Variants in ING4 observed in about 807,000 individuals in gnomAD.
ING4 encodes the protein inhibitor of growth family member 4, also known as inhibitor of growth protein 4.
A neutral mutation model predicts 33.1 loss-of-function variants in ING4; 28 were observed. The ratio of observed to expected loss-of-function variants is 0.85; its 90% CI spans 0.63 to 1.16. The LOEUF (loss-of-function observed/expected upper bound fraction) is 1.16. Among genes scored for constraint, ING4 ranks in the 50% most tolerant of loss-of-function variants. The probability of loss-of-function intolerance (pLI) is 0.00; values close to 1 mark genes in which losing one functional copy is unlikely to be tolerated. For missense variants in ING4, 247 were observed against 314.7 expected, an observed-to-expected ratio of 0.78 and a Z score of 1.63; for synonymous variants, 87 against 104.4, an observed-to-expected ratio of 0.83 and a Z score of 1.02.
intron 6 of ING4, 82 bp downstream of exon 6, chr12:6,652,189 C>A: frequency 6.7e-7 from 1 of 1,490,302 alleles, no homozygotes; most frequent in Non-Finnish European, 9.2e-7. Context: ...AGTCCCAGTA[C>A]TCAACTGTGG....
Position 6,652,690 on chromosome 12 carries a change from C to A in ING4, c.469G>T (p.Ala157Ser). The change falls in exon 5 of 8, where the codon GCC (alanine) becomes TCC (serine). Residue 157 changes from alanine (A) to serine (S), a missense_variant. Ala to Ser is a moderately conservative substitution (Grantham distance 99, BLOSUM62 1). Coordinates refer to ENST00000341550, the MANE Select transcript of ING4 (RefSeq NM_016162.4). ...KNSDEEAPKT[A>S]QKKLKLVRTS... ...CGCACGAGCTTTAACTTCTTCTGGG[C>A]AGTCTTGGGGGCTTCTTCATCCGAG... 1 of 1,614,080 alleles carries A rather than the reference C, an allele frequency of 6.2e-7. No homozygotes were observed. Among genetic ancestry groups the A allele is most frequent in the Non-Finnish European group, 8.5e-7 (1 of 1,180,012 alleles).
chr12:6,652,661 C>G lies in ING4; in HGVS notation c.497+1G>C. On this transcript the variant is annotated splice_donor_variant, in intron 5 of 7. Transcript: ENST00000341550. LOFTEE classifies it high-confidence loss of function. The stretch of plus-strand genomic sequence containing the variant: ...GGCAAAGGGCTCCCTGAATCACTCA[C>G]GTGCGCACGAGCTTTAACTTCTTCT... 1 of 1,613,158 alleles carries G rather than the reference C, an allele frequency of 6.2e-7. No individual in the cohort carries two copies. The highest frequency in any genetic ancestry group is 8.5e-7 in the Non-Finnish European group (1 of 1,179,352).
In ING4 at chr12:6,650,988, C is replaced by A; in HGVS notation, c.*207G>T. ...CCGAAGGGAGAGGGCTGAAGGAGAG[C>A]ACATACCGTTAGTGGCTGCGGCACC... is the stretch of plus-strand genomic sequence containing the variant. On this transcript the variant is annotated 3_prime_UTR_variant, in exon 8 of 8. Transcript: ENST00000341550. 1.6e-6 allele frequency: 1 copy of A among 623,950 alleles called. No individual in the cohort carries two copies. Among genetic ancestry groups the A allele is most frequent in the Non-Finnish European group, 2.9e-6 (1 of 347,824 alleles). 38.7% of individuals were successfully genotyped at this position (623,950 alleles called of 1,614,324 possible).
intron 1 of ING4, among the ~76,000 whole-genome samples, chr12:6,660,562 C>T (rs35762960): frequency 0.038 from 5,718 of 151,954 alleles, 392 homozygotes; most frequent in African/African-American, 0.13. Context: ...GGGCCAAGAT[C>T]GCACCATTGC....
intron 1 of ING4, among the ~76,000 whole-genome samples, chr12:6,660,233 G>A (rs79655322): frequency 0.02 from 3,088 of 152,292 alleles, 123 homozygotes; most frequent in African/African-American, 0.071. Flanking sequence ...GCCAAGGCAG[G>A]TAGATCGCTT....
intron 2 of ING4, chr12:6,656,012 C>A: frequency 2.3e-6 from 1 of 434,812 alleles, no homozygotes; most frequent in Non-Finnish European, 4.6e-6. Flanking sequence ...TCTCATATAG[C>A]AAACCTCCCA....
chr12:6,659,964 A>T (rs556185267), intron 1 of ING4, among the ~76,000 whole-genome samples: 23 of 152,180 alleles, frequency 1.5e-4, no homozygotes, highest in Non-Finnish European at 2.2e-4. Context: ...CAAAAAAATT[A>T]AAAAAAATAA....
intron 2 of ING4, 36 bp from the exon 3 acceptor site, chr12:6,653,432 C>T: frequency 6.3e-7 from 1 of 1,593,752 alleles, no homozygotes; most frequent in Non-Finnish European, 8.6e-7. Flanking sequence ...ACAATGGCCC[C>T]TGAGTGGCTA....
rs1206846039 is a variant in ING4, at chr12:6,650,965, G to T, written c.*230C>A. 1 of 592,690 alleles carries T rather than the reference G, an allele frequency of 1.7e-6. No homozygotes were observed. Among genetic ancestry groups the T allele is most frequent in the East Asian group, 2.8e-5 (1 of 35,440 alleles). 36.7% of individuals were successfully genotyped at this position (592,690 alleles called of 1,614,324 possible). A position where few individuals can be genotyped will look rare whatever the true frequency, so the allele number is the denominator to read the frequency against. On this transcript the variant is annotated 3_prime_UTR_variant, in exon 8 of 8. Transcript: ENST00000341550. Reference sequence around the variant, plus strand: ...ACAGTGGGCAAGACCACGTCCCTCCGAAGGGAGAGGGCTGAAGGAGAGCAC... The same window carrying T: ...ACAGTGGGCAAGACCACGTCCCTCCTAAGGGAGAGGGCTGAAGGAGAGCAC...
At chr12:6,659,722 A>G (rs2136281366) in intron 1 of ING4, among the ~76,000 whole-genome samples, 1 of 151,068 alleles carries the variant, frequency 6.6e-6, no homozygotes, top group Non-Finnish European at 1.5e-5. Flanking sequence ...CTGAGGCAGG[A>G]GAGTGGCGTG....
At position 6,656,812 on chromosome 12, in the gene ING4, A is replaced by G. The variant is rs199557258; in HGVS notation, c.38-14T>C. ...GGTTTTCAATACCTAGGGAAGAGAG[A>G]GAAACAATCACAGGACTGACTATGC... On this transcript the variant is annotated splice_polypyrimidine_tract_variant and intron_variant, in intron 1 of 7. Transcript: ENST00000341550. 1.3e-4 allele frequency: 195 copies of G among 1,509,420 alleles called. 1 individual carries two copies. The highest frequency in any genetic ancestry group is 8.5e-4 in the Middle Eastern group (5 of 5,858). 93.5% of individuals were successfully genotyped at this position (1,509,420 alleles called of 1,614,324 possible).
intron 1 of ING4, among the ~76,000 whole-genome samples, chr12:6,659,829 A>G (rs2136281797): frequency 6.6e-6 from 1 of 151,818 alleles, no homozygotes; most frequent in East Asian, 1.9e-4. Context: ...AAAAAAAAAA[A>G]ATAGATGGGC....
intron 1 of ING4, among the ~76,000 whole-genome samples, chr12:6,661,409 T>TTG (rs1949546050): frequency 7.0e-6 from 1 of 142,136 alleles, no homozygotes; most frequent in Admixed American, 6.9e-5. Context: ...AGCCTTTGTT[T>TTG]TTTTTTTTTT....
At chr12:6,661,935 A>G (rs1949568005) in intron 1 of ING4, among the ~76,000 whole-genome samples, 1 of 152,072 alleles carries the variant, frequency 6.6e-6, no homozygotes, top group African/African-American at 2.4e-5. Flanking sequence ...TATATTAGTC[A>G]TTTTCCTCTA....
At chr12:6,660,572 C>T (rs936844182) in intron 1 of ING4, among the ~76,000 whole-genome samples, 6 of 152,018 alleles carry the variant, frequency 3.9e-5, no homozygotes, top group South Asian at 2.1e-4. Context: ...CGCACCATTG[C>T]GCTCCAGCCT....
chr12:6,658,343 T>A (rs989387237), intron 1 of ING4, among the ~76,000 whole-genome samples: 3 of 151,892 alleles, frequency 2.0e-5, no homozygotes, highest in African/African-American at 7.3e-5. Context: ...ATTATACACA[T>A]AACACTTCCA....
chr12:6,652,141 A>C, intron 6 of ING4, 130 bp downstream of exon 6: 46 of 1,162,534 alleles, frequency 4.0e-5, no homozygotes, highest in Non-Finnish European at 5.3e-5. Context: ...ATTTCAGGCA[A>C]GAGCTACTAC....
intron 2 of ING4, chr12:6,655,599 G>C (rs1949328635): frequency 8.9e-7 from 1 of 1,126,616 alleles, no homozygotes; most frequent in Non-Finnish European, 1.1e-6. Context: ...GAACTCAAGA[G>C]TTACAACTGT....
intron 1 of ING4, 77 bp from the exon 2 acceptor site, chr12:6,656,875 C>A: frequency 1.1e-6 from 1 of 898,182 alleles, no homozygotes; most frequent in Non-Finnish European, 1.7e-6. Flanking sequence ...CAGTTCAGGC[C>A]GGACATGGTG....
Sources: allele counts gnomAD v4.1 joint callset (sites outside exome capture counted in the v4.1 genomes callset), GRCh38; gene constraint gnomAD v4.1.1; transcripts MANE v1.5; gene names NCBI Gene and HGNC (gene_info 2026-07-23, HGNC 2026-07-21).